PTPRN2: variants seen among roughly 807,000 people sequenced by gnomAD.
The protein encoded by PTPRN2 is protein tyrosine phosphatase receptor type N2, also known as receptor-type tyrosine-protein phosphatase N2.
In PTPRN2, 74 loss-of-function variants were observed where a neutral mutation model predicts 118.8. The observed-to-expected ratio is 0.62, with a 90% CI of 0.52 to 0.76. The LOEUF (loss-of-function observed/expected upper bound fraction) is 0.76. Among genes scored for constraint, PTPRN2 ranks in the 30% least tolerant of loss-of-function variants. PTPRN2 has a pLI of 0.00. For missense variants in PTPRN2, 1,481 were observed against 1,394.4 expected (o/e 1.06, Z -0.99); for synonymous variants, 641 against 608.0 (o/e 1.05, Z -0.80).
chr7:158,443,383 C>A (rs1324657779), intron 2 of PTPRN2, among the ~76,000 whole-genome samples: 1 of 152,236 alleles, frequency 6.6e-6, no homozygotes, highest in East Asian at 1.9e-4. Flanking sequence ...ACAAACTTGA[C>A]TTCTGGGTAA....
intron 1 of PTPRN2, among the ~76,000 whole-genome samples, chr7:158,522,145 A>C (rs1231600538): frequency 1.3e-5 from 1 of 76,520 alleles, no homozygotes; most frequent in African/African-American, 5.9e-5. Context: ...CTCAGGAGGG[A>C]GGTCCACGTC....
At chr7:157,731,914 T>C (rs377075220) in intron 12 of PTPRN2, among the ~76,000 whole-genome samples, 6 of 25,330 alleles carry the variant, frequency 2.4e-4, no homozygotes, top group South Asian at 4.3e-3. Flanking sequence ...TCCCGTCCCA[T>C]GCGCCCAGCA....
At chr7:158,444,733 G>A (rs895401439) in intron 2 of PTPRN2, among the ~76,000 whole-genome samples, 70 of 152,154 alleles carry the variant, frequency 4.6e-4, no homozygotes, top group African/African-American at 1.6e-3. Context: ...CCCTTTCCTC[G>A]TCCTCAGTGC....
intron 3 of PTPRN2, among the ~76,000 whole-genome samples, chr7:158,277,122 C>G (rs1484649822): frequency 4.0e-5 from 6 of 148,716 alleles, no homozygotes; most frequent in African/African-American, 1.5e-4. Flanking sequence ...CACACACACA[C>G]ACGTGCCCGC....
rs112481806 is a variant in PTPRN2, at chr7:158,547,454, C to T, written c.112+40104G>A. Reference sequence around the variant, plus strand: ...TCGCTGACTCTGACAACACTAGGGGCTGCTATAAGTAGGATCTCACAGTGC... The same window carrying T: ...TCGCTGACTCTGACAACACTAGGGGTTGCTATAAGTAGGATCTCACAGTGC... On this transcript the variant is annotated intron_variant, in intron 1 of 22. Coordinates refer to ENST00000389418, the MANE Select transcript of PTPRN2 (RefSeq NM_002847.5). 7.6e-3 allele frequency among the ~76,000 whole-genome samples: 1,152 copies of T among 152,278 alleles called. 12 individuals carry two copies. Among genetic ancestry groups the T allele is most frequent in the African/African-American group, 0.026 (1,088 of 41,558 alleles).
chr7:158,412,088 C>T (rs1399624421), intron 2 of PTPRN2, among the ~76,000 whole-genome samples: 2 of 141,296 alleles, frequency 1.4e-5, no homozygotes, highest in African/African-American at 5.3e-5. Context: ...CTCCTTAGCA[C>T]CAGGGCCCAT....
intron 21 of PTPRN2, among the ~76,000 whole-genome samples, chr7:157,564,143 A>T (rs999308988): frequency 1.3e-5 from 2 of 152,020 alleles, no homozygotes; most frequent in East Asian, 1.9e-4. Flanking sequence ...AAAAAAATAT[A>T]TTTTTGAGAT....
intron 2 of PTPRN2, among the ~76,000 whole-genome samples, chr7:158,376,631 C>T (rs111887731): frequency 1.1e-5 from 1 of 90,130 alleles, no homozygotes; most frequent in African/African-American, 4.8e-5. Context: ...CAGGGGACTC[C>T]CCCACAGCCC....
Position 158,317,031 on chromosome 7 carries a change from C to T in PTPRN2, c.164-99G>A, listed in dbSNP as rs559419541. On this transcript the variant is annotated intron_variant, in intron 2 of 22. Transcript: ENST00000389418. The stretch of plus-strand genomic sequence containing the variant: ...CTTGCAATGCGTTCTGATCATGTGC[C>T]GCCGTGAGGTTTTGGAGCACGGCGT... The T allele has an allele frequency of 1.7e-5, 15 of 879,338 alleles. No homozygotes were observed. In the East Asian group the frequency reaches 2.8e-4, roughly 17 times the overall value. 54.5% of individuals were successfully genotyped at this position (879,338 alleles called of 1,614,324 possible). A position where few individuals can be genotyped will look rare whatever the true frequency, so the allele number is the denominator to read the frequency against.
intron 6 of PTPRN2, among the ~76,000 whole-genome samples, chr7:158,147,890 G>C (rs1487285854): frequency 2.5e-4 from 33 of 129,458 alleles, no homozygotes; most frequent in African/African-American, 8.5e-4. Context: ...CACGCCACGT[G>C]TCTTTCCCCC....
chr7:158,343,138 A>T (rs1475074632), intron 2 of PTPRN2, among the ~76,000 whole-genome samples: 2 of 152,174 alleles, frequency 1.3e-5, no homozygotes, highest in Non-Finnish European at 2.9e-5. Flanking sequence ...GGGAGTGGGG[A>T]AATATTTGCC....
At chr7:157,804,468 T>C (rs1015788748) in intron 12 of PTPRN2, among the ~76,000 whole-genome samples, 4 of 151,892 alleles carry the variant, frequency 2.6e-5, no homozygotes, top group African/African-American at 4.8e-5. Flanking sequence ...TCTGTAACCA[T>C]GCAGCTGCTC....
rs1451228169 is a variant in PTPRN2, at chr7:157,779,280, T to A, written c.1789-96343A>T. Among the ~76,000 whole-genome samples, 3 of 152,192 alleles carry A rather than the reference T, an allele frequency of 2.0e-5. No homozygotes were observed. Among genetic ancestry groups the A allele is most frequent in the Non-Finnish European group, 4.4e-5 (3 of 68,034 alleles). On this transcript the variant is annotated intron_variant, in intron 12 of 22. Transcript: ENST00000389418. This position sits in a 1 kb window ranked among gnomAD's most constrained non-coding sequence, Gnocchi z 4.7. ...TTCCCTGGGCAAGGTCAGCAAGGCA[T>A]GTGCTCGGTGGAGGAGGCCTAACTG...
chr7:157,847,758 A>G (rs1182198084), intron 12 of PTPRN2, among the ~76,000 whole-genome samples: 3 of 137,318 alleles, frequency 2.2e-5, no homozygotes, highest in Admixed American at 7.3e-5. Context: ...TCACTCCATC[A>G]TGCGTGCCCG....
chr7:158,047,562 T>C (rs890944925), intron 11 of PTPRN2, among the ~76,000 whole-genome samples: 3 of 147,458 alleles, frequency 2.0e-5, no homozygotes, highest in Admixed American at 6.7e-5. Flanking sequence ...AGTCACTGAG[T>C]GTGTGAGGCC....
chr7:157,990,440 C>A lies in PTPRN2; in HGVS notation c.1723+90858G>T, dbSNP rs79847028. On this transcript the variant is annotated intron_variant, in intron 11 of 22. Coordinates refer to ENST00000389418, the MANE Select transcript of PTPRN2 (RefSeq NM_002847.5). The surrounding 1 kb of genome is among the most constrained non-coding windows in gnomAD (Gnocchi z 4.3). ...CCAAGTCCTCTGGGATCCAGGTTCT[C>A]CTTCCTTCAGGGCACCCCCACCCAC... is the stretch of plus-strand genomic sequence containing the variant. Among the ~76,000 whole-genome samples the A allele has an allele frequency of 5.0e-3, 765 of 152,268 alleles. 7 individuals are homozygous for A. The highest frequency in any genetic ancestry group is 0.018 in the African/African-American group (741 of 41,544).
chr7:158,182,771 T>C (rs556068909), intron 5 of PTPRN2, among the ~76,000 whole-genome samples: 1 of 152,366 alleles, frequency 6.6e-6, no homozygotes, highest in Admixed American at 6.5e-5. Context: ...TCTGCAGTTC[T>C]TGATTAGAAT....
intron 5 of PTPRN2, among the ~76,000 whole-genome samples, chr7:158,171,319 A>G: frequency 9.2e-6 from 1 of 108,950 alleles, no homozygotes; most frequent in Non-Finnish European, 1.9e-5. Context: ...ATATATATAT[A>G]TATATATATA....
intron 12 of PTPRN2, among the ~76,000 whole-genome samples, chr7:157,709,116 C>T (rs1798472817): frequency 6.6e-6 from 1 of 152,156 alleles, no homozygotes; most frequent in Non-Finnish European, 1.5e-5. Flanking sequence ...GGCCCCTGGT[C>T]AGAGGGCCTG....
Sources: allele counts gnomAD v4.1 joint callset (sites outside exome capture counted in the v4.1 genomes callset), GRCh38; gene constraint gnomAD v4.1.1; non-coding constraint Gnocchi (gnomAD v3.1); transcripts MANE v1.5; gene names NCBI Gene and HGNC (gene_info 2026-07-23, HGNC 2026-07-21).